ARHGEF2: variants seen among roughly 807,000 people sequenced by gnomAD.
ARHGEF2 encodes Rho/Rac guanine nucleotide exchange factor 2, also known as rho guanine nucleotide exchange factor 2.
Under a neutral mutation model 121.0 loss-of-function variants are expected in ARHGEF2, and 22 were observed. That is an observed-to-expected ratio of 0.18 (90% CI 0.13 to 0.26). The LOEUF is 0.26. Among genes scored for constraint, ARHGEF2 ranks in the 10% least tolerant of loss-of-function variants. ARHGEF2 has a pLI of 1.00. For synonymous variants in ARHGEF2, 487 were observed against 530.0 expected (o/e 0.92, Z 1.11); for missense variants, 907 against 1,336.0 (o/e 0.68, Z 5.01).
At chr1:155,972,120 G>C (rs1182875945) in intron 1 of ARHGEF2, 1 of 374,750 alleles carries the variant, frequency 2.7e-6, no homozygotes, top group African/African-American at 2.1e-5. Flanking sequence ...AGCTCAGATG[G>C]AGTGGCAAAG....
chr1:155,970,816 G>T, intron 1 of ARHGEF2: 1 of 986,240 alleles, frequency 1.0e-6, no homozygotes, highest in Non-Finnish European at 1.2e-6. Flanking sequence ...CTGGGCCCAA[G>T]ATCCTTCTCT....
At position 155,961,728 on chromosome 1, in the gene ARHGEF2, T is replaced by C; in HGVS notation, c.1401A>G (p.Glu467=). The part of the protein sequence containing the change: ...VPGKGPFGRE[E]LLRRKLIHDG... ...CGTGGATGAGTTTGCGCCTCAGAAG[T>C]TCCTCTCGGCCAAAGGGGCCCTTGC... The change falls in exon 11 of 22, where the codon GAA becomes GAG. Residue 467 remains glutamate, a synonymous_variant. Coordinates refer to ENST00000361247, the MANE Select transcript of ARHGEF2 (RefSeq NM_001162383.2). This position sits in a 1 kb window ranked among gnomAD's most constrained non-coding sequence, Gnocchi z 4.7. 1.2e-6 allele frequency: 2 copies of C among 1,614,194 alleles called. No homozygotes were observed. The highest frequency in any genetic ancestry group is 1.7e-6 in the Non-Finnish European group (2 of 1,180,030).
At chr1:155,972,754 T>G (rs959803610) in intron 1 of ARHGEF2, among the ~76,000 whole-genome samples, 2 of 150,518 alleles carry the variant, frequency 1.3e-5, no homozygotes, top group Non-Finnish European at 3.0e-5. Context: ...TGGACTGGAG[T>G]ACATTGGCAT....
rs1296415906 is a variant in ARHGEF2 at position 155,965,746 on chromosome 1, G to A, written c.355C>T (p.Arg119Trp). Residue 119 changes from arginine to tryptophan, a missense_variant, in exon 5 of 22, where the codon CGG (arginine) becomes TGG (tryptophan). This residue lies in a region of ARHGEF2 where 475 missense variants were observed against 776.5 expected (regional missense o/e 0.61). Transcript: ENST00000361247. The surrounding 1 kb of genome is among the most constrained non-coding windows in gnomAD (Gnocchi z 6.0). ...SLRSKTTIRERPSSAIYPSDS... is the reference protein window; with the variant it reads ...SLRSKTTIREWPSSAIYPSDS... Reference sequence around the variant, plus strand: ...GAGGGGTAGATGGCCGAGCTTGGCCGCTCCCGGATGGTTGCTGTGGGGGAG... The same window carrying A: ...GAGGGGTAGATGGCCGAGCTTGGCCACTCCCGGATGGTTGCTGTGGGGGAG... 5 of 1,596,882 alleles carry A rather than the reference G, an allele frequency of 3.1e-6. No individual in the cohort carries two copies. The highest frequency in any genetic ancestry group is 1.4e-5 in the African/African-American group (1 of 73,864).
chr1:155,976,927 C>A (rs1681401149), intron 1 of ARHGEF2, among the ~76,000 whole-genome samples: 1 of 152,048 alleles, frequency 6.6e-6, no homozygotes, highest in Non-Finnish European at 1.5e-5. Context: ...AATCTAATCC[C>A]AACCCCCTAA....
At chr1:155,974,246 C>G (rs891671949) in intron 1 of ARHGEF2, among the ~76,000 whole-genome samples, 3 of 152,122 alleles carry the variant, frequency 2.0e-5, no homozygotes, top group African/African-American at 7.2e-5. Flanking sequence ...GGGAGAGTCA[C>G]AGAGTACTCA....
rs770700225 is a variant in ARHGEF2 at position 155,961,777 on chromosome 1, G to A, written c.1352C>T (p.Pro451Leu). Reference sequence around the variant, plus strand: ...GCCAGGCACTGGGGTTTGGGCCCGAGGGTCCATGCGGTTGTAGATCTCCTG... The same window carrying A: ...GCCAGGCACTGGGGTTTGGGCCCGAAGGTCCATGCGGTTGTAGATCTCCTG... ...RLQEIYNRMD[P>L]RAQTPVPGKG... is the part of the protein sequence containing the mutation. The change falls in exon 11 of 22, where the codon CCT becomes CTT. Residue 451 changes from proline to leucine, a missense_variant. Pro to Leu is a moderately conservative substitution (Grantham distance 98, BLOSUM62 -3). Around this residue, in one of 2 missense-constraint regions of ARHGEF2, gnomAD observed 475 missense variants for 776.5 expected, o/e 0.61. Transcript: ENST00000361247. This position sits in a 1 kb window ranked among gnomAD's most constrained non-coding sequence, Gnocchi z 4.7. The A allele has an allele frequency of 4.3e-6, 7 of 1,614,212 alleles. No individual in the cohort carries two copies. Among genetic ancestry groups the A allele is most frequent in the Non-Finnish European group, 5.1e-6 (6 of 1,180,034 alleles).
intron 11 of ARHGEF2, among the ~76,000 whole-genome samples, chr1:155,960,304 AC>A (rs904536070): frequency 6.6e-5 from 10 of 152,110 alleles, no homozygotes; most frequent in African/African-American, 2.2e-4. Flanking sequence ...TCTTATCTCT[AC>A]AAAAAATTTA....
intron 13 of ARHGEF2, among the ~76,000 whole-genome samples, chr1:155,957,022 CTG>C (rs1676829738): frequency 6.7e-6 from 1 of 150,246 alleles, no homozygotes; most frequent in African/African-American, 2.5e-5. Context: ...GAGCGAGACT[CTG>C]TCTCAAAAAA....
Position 155,951,896 on chromosome 1 carries a change from C to T in ARHGEF2, c.2172+23G>A, listed in dbSNP as rs897114157. On this transcript the variant is annotated intron_variant, in intron 17 of 21. Transcript: ENST00000361247. The surrounding 1 kb of genome is among the most constrained non-coding windows in gnomAD (Gnocchi z 5.1). ...TCCCTCTCCCACCCTCTTGCCAAGT[C>T]CCAGAACCTCTTGAGGACCTACCCT... The T allele has an allele frequency of 7.4e-6, 12 of 1,613,656 alleles. No individual in the cohort carries two copies. The African/African-American group carries it at 1.3e-4, about 18-fold the overall frequency.
In ARHGEF2 at chr1:155,962,639, T is replaced by C; in HGVS notation, c.1055A>G (p.Tyr352Cys). 6.2e-7 allele frequency: 1 copy of C among 1,614,136 alleles called. No individual in the cohort carries two copies. The highest frequency in any genetic ancestry group is 8.5e-7 in the Non-Finnish European group (1 of 1,180,014). The change falls in exon 9 of 22, where the codon TAT becomes TGT. Residue 352 changes from tyrosine to cysteine, a missense_variant. Tyr to Cys is a radical substitution (Grantham distance 194). This residue lies in a region of ARHGEF2 where 475 missense variants were observed against 776.5 expected (regional missense o/e 0.61). Coordinates refer to ENST00000361247, the MANE Select transcript of ARHGEF2 (RefSeq NM_001162383.2). The surrounding 1 kb of genome is among the most constrained non-coding windows in gnomAD (Gnocchi z 5.8). ...CSRHSKALKL[Y>C]KELYARDKRF... ...TTTGTCTCGGGCGTACAGCTCCTTA[T>C]AGAGCTTTAAGGCCTTGCTGTGGCG...
intron 7 of ARHGEF2, among the ~76,000 whole-genome samples, chr1:155,964,180 A>T (rs11264425): frequency 9.8e-6 from 1 of 101,578 alleles, no homozygotes; most frequent in African/African-American, 3.9e-5. Context: ...ATATATATAT[A>T]TATATATATA....
At position 155,962,748 on chromosome 1, in the gene ARHGEF2, G is replaced by C; in HGVS notation, c.976-30C>G. On this transcript the variant is annotated intron_variant, in intron 8 of 21. Transcript: ENST00000361247. This position sits in a 1 kb window ranked among gnomAD's most constrained non-coding sequence, Gnocchi z 5.8. ...AAGTTGGTCGAGTAAGGTTAGGTCA[G>C]CATTCCCCCAAAGCCACACTTTACC... The C allele has an allele frequency of 6.2e-7, 1 of 1,613,518 alleles. No homozygotes were observed. Among genetic ancestry groups the C allele is most frequent in the Non-Finnish European group, 8.5e-7 (1 of 1,179,666 alleles).
In ARHGEF2 at chr1:155,978,459, G is replaced by A; in HGVS notation, c.-32C>T. 1 of 1,448,310 alleles carries A rather than the reference G, an allele frequency of 6.9e-7. No homozygotes were observed. The highest frequency in any genetic ancestry group is 9.2e-7 in the Non-Finnish European group (1 of 1,083,390). 89.7% of individuals were successfully genotyped at this position (1,448,310 alleles called of 1,614,324 possible). A position where few individuals can be genotyped will look rare whatever the true frequency, so the allele number is the denominator to read the frequency against. On this transcript the variant is annotated 5_prime_UTR_variant, in exon 1 of 22. Coordinates refer to ENST00000361247, the MANE Select transcript of ARHGEF2 (RefSeq NM_001162383.2). This position sits in a 1 kb window ranked among gnomAD's most constrained non-coding sequence, Gnocchi z 4.1. ...ACGGGGGGACCAGGGAGGACGCGGC[G>A]CGGACCCCGGCGTCCTGTATTGTTG...
chr1:155,959,933 T>G (rs1191421610), intron 11 of ARHGEF2, among the ~76,000 whole-genome samples: 1 of 152,204 alleles, frequency 6.6e-6, no homozygotes, highest in Non-Finnish European at 1.5e-5. Flanking sequence ...AAATTCTCCC[T>G]GTCCTGGCAT....
chr1:155,974,852 A>AG (rs35700691), intron 1 of ARHGEF2, among the ~76,000 whole-genome samples: 77,215 of 151,208 alleles, frequency 0.51, 22,971 homozygotes, highest in Non-Finnish European at 0.67. Flanking sequence ...GCAGAAAGAG[A>AG]GGGGGGGTAA....
intron 7 of ARHGEF2, among the ~76,000 whole-genome samples, chr1:155,963,482 A>C (rs1678399211): frequency 6.7e-6 from 1 of 149,390 alleles, no homozygotes; most frequent in Admixed American, 6.8e-5. Flanking sequence ...AGTAGCTGGG[A>C]TTACAGGCAC....
intron 1 of ARHGEF2, among the ~76,000 whole-genome samples, chr1:155,976,269 G>A (rs991493580): frequency 6.6e-6 from 1 of 151,920 alleles, no homozygotes; most frequent in Non-Finnish European, 1.5e-5. Context: ...GGGGGGAGGG[G>A]GAGAGGGGAT....
At chr1:155,967,835 T>A (rs1679722982) in intron 2 of ARHGEF2, among the ~76,000 whole-genome samples, 1 of 151,950 alleles carries the variant, frequency 6.6e-6, no homozygotes, top group Non-Finnish European at 1.5e-5. Flanking sequence ...CCCTCCCCCA[T>A]CCAACAACAC....
Sources: allele counts gnomAD v4.1 joint callset (sites outside exome capture counted in the v4.1 genomes callset), GRCh38; gene constraint gnomAD v4.1.1; regional missense constraint gnomAD v4.1.1; non-coding constraint Gnocchi (gnomAD v3.1); transcripts MANE v1.5; gene names NCBI Gene and HGNC (gene_info 2026-07-23, HGNC 2026-07-21).